Variants in ARPC5L observed in about 807,000 individuals in gnomAD.
ARPC5L encodes the protein actin related protein 2/3 complex subunit 5 like.
In ARPC5L, 4 loss-of-function variants were observed where a neutral mutation model predicts 16.9. The ratio of observed to expected loss-of-function variants is 0.24; its 90% CI spans 0.12 to 0.54. ARPC5L has a LOEUF of 0.54. ARPC5L is among the 20% of genes least tolerant of loss of function. The pLI is 0.95. For synonymous variants in ARPC5L, 78 were observed against 82.6 expected (o/e 0.94, Z 0.30); for missense variants, 151 against 201.9 (o/e 0.75, Z 1.53).
intron 2 of ARPC5L, among the ~76,000 whole-genome samples, chr9:124,867,725 C>T (rs1054458296): frequency 2.6e-5 from 4 of 151,902 alleles, no homozygotes; most frequent in African/African-American, 9.7e-5. Context: ...ACCTGAATCA[C>T]AAATATTTTT....
chr9:124,873,306 G>A (rs748522617), intron 3 of ARPC5L: 7 of 207,376 alleles, frequency 3.4e-5, no homozygotes, highest in Non-Finnish European at 6.0e-5. Context: ...TACATTTTCC[G>A]CTTTTTTAGA....
intron 2 of ARPC5L, among the ~76,000 whole-genome samples, chr9:124,864,876 C>G (rs1829248999): frequency 6.6e-6 from 1 of 151,722 alleles, no homozygotes; most frequent in South Asian, 2.1e-4. Flanking sequence ...GGCACAATCT[C>G]GGCTCACTGC....
chr9:124,873,159 TG>T (rs1829384383), intron 3 of ARPC5L: 1 of 152,914 alleles, frequency 6.5e-6, no homozygotes, highest in South Asian at 2.0e-4. Flanking sequence ...TCTGTTAGAT[TG>T]ATAAACTCTT....
At position 124,869,195 on chromosome 9, in the gene ARPC5L, G is replaced by C; in HGVS notation, c.-96G>C. The C allele has an allele frequency of 7.6e-7, 1 of 1,308,282 alleles. No homozygotes were observed. Among genetic ancestry groups the C allele is most frequent in the Non-Finnish European group, 9.9e-7 (1 of 1,014,886 alleles). 81.0% of individuals were successfully genotyped at this position (1,308,282 alleles called of 1,614,324 possible). A position where few individuals can be genotyped will look rare whatever the true frequency, so the allele number is the denominator to read the frequency against. The stretch of plus-strand genomic sequence containing the variant: ...AGGAGGTGCTGGGAGCAGCCGGGCA[G>C]CCGCTTCCCGCCCCCGAGCAGGAGC... On this transcript the variant is annotated 5_prime_UTR_variant, in exon 3 of 6. Transcript: ENST00000353214.
intron 5 of ARPC5L, among the ~76,000 whole-genome samples, chr9:124,876,422 G>C (rs916093665): frequency 6.6e-6 from 1 of 151,830 alleles, no homozygotes; most frequent in Non-Finnish European, 1.5e-5. Context: ...GGGAGGCAGG[G>C]TTGCAGTGAG....
intron 3 of ARPC5L, among the ~76,000 whole-genome samples, 175 bp downstream of exon 3, chr9:124,869,614 C>T (rs1322754466): frequency 6.6e-6 from 1 of 152,210 alleles, no homozygotes; most frequent in Non-Finnish European, 1.5e-5. Context: ...CCTTGAGTCC[C>T]AGTCTCCCTG....
In ARPC5L at chr9:124,868,943, A is replaced by C; in HGVS notation, c.-348A>C. 99 of 189,576 alleles carry C rather than the reference A, an allele frequency of 5.2e-4. No individual in the cohort carries two copies. Among genetic ancestry groups the C allele is most frequent in the Middle Eastern group, 2.0e-3 (1 of 510 alleles). The allele number at this position is 189,576 out of a possible 1,614,324, so 11.7% of individuals were successfully genotyped here. A position where few individuals can be genotyped will look rare whatever the true frequency, so the allele number is the denominator to read the frequency against. Reference sequence around the variant, plus strand: ...CTCGGAGGCGCGGGAAAGCCGGGGAACCAGCGCAGTTACGGCACACACGAG... The same window carrying C: ...CTCGGAGGCGCGGGAAAGCCGGGGACCCAGCGCAGTTACGGCACACACGAG... On this transcript the variant is annotated 5_prime_UTR_variant, in exon 3 of 6. Transcript: ENST00000353214.
In ARPC5L at chr9:124,876,909, T is replaced by C; in HGVS notation, c.431T>C (p.Ile144Thr). 1 of 1,613,450 alleles carries C rather than the reference T, an allele frequency of 6.2e-7. No homozygotes were observed. The highest frequency in any genetic ancestry group is 8.5e-7 in the Non-Finnish European group (1 of 1,179,784). ...ALAVGGLGSI[I>T]RVLTARKTV ...GCAGTAGGAGGACTAGGCTCCATTA[T>C]AAGAGTTCTTACAGCAAGAAAGACT... The change falls in exon 6 of 6, where the codon ATA becomes ACA. Residue 144 changes from isoleucine (I) to threonine (T), a missense_variant. Ile to Thr is a moderately conservative substitution (Grantham distance 89, BLOSUM62 -1). Transcript: ENST00000353214.
chr9:124,869,215 A>T lies in ARPC5L; in HGVS notation c.-76A>T. 1 of 1,355,814 alleles carries T rather than the reference A, an allele frequency of 7.4e-7. No individual in the cohort carries two copies. Among genetic ancestry groups the T allele is most frequent in the Non-Finnish European group, 9.5e-7 (1 of 1,049,264 alleles). 84.0% of individuals were successfully genotyped at this position (1,355,814 alleles called of 1,614,324 possible). A position where few individuals can be genotyped will look rare whatever the true frequency, so the allele number is the denominator to read the frequency against. On this transcript the variant is annotated 5_prime_UTR_variant, in exon 3 of 6. Coordinates refer to ENST00000353214, the MANE Select transcript of ARPC5L (RefSeq NM_030978.3). ...GGGCAGCCGCTTCCCGCCCCCGAGC[A>T]GGAGCCGGTGCGAGCGGAGCAGAGC...
chr9:124,867,046 G>A (rs949609763), intron 2 of ARPC5L, among the ~76,000 whole-genome samples: 5 of 151,446 alleles, frequency 3.3e-5, no homozygotes, highest in African/African-American at 1.2e-4. Flanking sequence ...GCTGTTTCTC[G>A]AATATACTGA....
At chr9:124,869,564 C>T in intron 3 of ARPC5L, 125 bp downstream of exon 3, 11 of 1,358,640 alleles carry the variant, frequency 8.1e-6, no homozygotes, top group South Asian at 1.7e-5. Context: ...TCAGGTCAGC[C>T]TCCAGCTCCC....
chr9:124,864,437 C>T (rs1195667977), intron 2 of ARPC5L, among the ~76,000 whole-genome samples: 1 of 152,174 alleles, frequency 6.6e-6, no homozygotes, highest in Non-Finnish European at 1.5e-5. Context: ...TCGGCTCTCA[C>T]TGCAACCTCT....
In ARPC5L at chr9:124,876,872, C is replaced by T. The variant is rs377170904; in HGVS notation, c.400-6C>T. 5.0e-6 allele frequency: 8 copies of T among 1,611,338 alleles called. No homozygotes were observed. The African/African-American group carries it at 6.7e-5, about 13-fold the overall frequency. ...TCTGACACGTTTTCTTTTCCTGCCC[C>T]CACAGGCCTTAGCAGTAGGAGGACT... On this transcript the variant is annotated splice_polypyrimidine_tract_variant and splice_region_variant and intron_variant, in intron 5 of 5. Coordinates refer to ENST00000353214, the MANE Select transcript of ARPC5L (RefSeq NM_030978.3).
rs1829450754 is a variant in ARPC5L, at chr9:124,876,960, G to A, written c.*20G>A. ...GTTTAAAAAAAATAAAAAGACTCATGTTACCTTGAGAAGAATTCTGGATGC... is the reference window on the plus strand; with the variant it reads ...GTTTAAAAAAAATAAAAAGACTCATATTACCTTGAGAAGAATTCTGGATGC... On this transcript the variant is annotated 3_prime_UTR_variant, in exon 6 of 6. Coordinates refer to ENST00000353214, the MANE Select transcript of ARPC5L (RefSeq NM_030978.3). The A allele has an allele frequency of 6.3e-7, 1 of 1,596,416 alleles. No homozygotes were observed. The highest frequency in any genetic ancestry group is 1.7e-5 in the Admixed American group (1 of 58,152).
rs969205874 is a variant in ARPC5L at position 124,864,069 on chromosome 9, G to A, written c.-902G>A. ...TAGTCTCCAGGCCCAGTACATGGAT[G>A]CTTGTTGGATGAATTAATGAACCTT... is the stretch of plus-strand genomic sequence containing the variant. On this transcript the variant is annotated 5_prime_UTR_variant, in exon 2 of 6. It removes an upstream start codon present in the reference 5' UTR. Transcript: ENST00000353214. 8 of 152,246 alleles carry A rather than the reference G, an allele frequency of 5.3e-5. No homozygotes were observed. Among genetic ancestry groups the A allele is most frequent in the Non-Finnish European group, 8.8e-5 (6 of 68,040 alleles). 9.4% of individuals were successfully genotyped at this position (152,246 alleles called of 1,614,324 possible).
intron 2 of ARPC5L, among the ~76,000 whole-genome samples, chr9:124,864,345 G>A (rs1829242307): frequency 6.6e-6 from 1 of 151,808 alleles, no homozygotes; most frequent in Admixed American, 6.6e-5. Context: ...GTGCCACCAT[G>A]CCCGGCTAAT....
chr9:124,864,428 C>T (rs576831338), intron 2 of ARPC5L, among the ~76,000 whole-genome samples: 4 of 152,142 alleles, frequency 2.6e-5, no homozygotes, highest in East Asian at 1.9e-4. Flanking sequence ...GGCACAATCT[C>T]GGCTCTCACT....
chr9:124,867,675 G>C (rs1829291773), intron 2 of ARPC5L, among the ~76,000 whole-genome samples: 1 of 152,178 alleles, frequency 6.6e-6, no homozygotes, highest in Admixed American at 6.5e-5. Context: ...CTTCTGACCA[G>C]GATGTTCTGG....
At chr9:124,869,871 G>A (rs1179508542) in intron 3 of ARPC5L, among the ~76,000 whole-genome samples, 1 of 152,258 alleles carries the variant, frequency 6.6e-6, no homozygotes, top group African/African-American at 2.4e-5. Flanking sequence ...GTAACCGAGT[G>A]ATCGGGGAGG....
Sources: gnomAD v4.1 joint callset for allele counts (sites outside exome capture counted in the v4.1 genomes callset) on GRCh38, gnomAD v4.1.1 for gene constraint, MANE v1.5 for transcripts, NCBI Gene and HGNC (gene_info 2026-07-23, HGNC 2026-07-21) for gene names.